Variants in ZFYVE28 observed in about 807,000 individuals in gnomAD.
ZFYVE28 encodes zinc finger FYVE-type containing 28.
A neutral mutation model predicts 82.1 loss-of-function variants in ZFYVE28; 40 were observed. That is an observed-to-expected ratio of 0.49 (90% CI 0.38 to 0.63). The LOEUF is 0.63. ZFYVE28 is among the 30% of genes least tolerant of loss of function. The pLI is 0.00. For missense variants in ZFYVE28, 1,321 were observed against 1,242.1 expected, an observed-to-expected ratio of 1.06 and a Z score of -0.96; for synonymous variants, 612 against 546.1, an observed-to-expected ratio of 1.12 and a Z score of -1.68.
intron 1 of ZFYVE28, among the ~76,000 whole-genome samples, chr4:2,377,491 G>A (rs1170694850): frequency 1.3e-5 from 2 of 152,138 alleles, no homozygotes; most frequent in Non-Finnish European, 2.9e-5. Context: ...AATAGGAAAT[G>A]TTACAACGAG....
intron 1 of ZFYVE28, among the ~76,000 whole-genome samples, chr4:2,365,247 G>T (rs904080384): frequency 6.6e-6 from 1 of 152,056 alleles, no homozygotes; most frequent in Non-Finnish European, 1.5e-5. Context: ...GCAGTGCGCG[G>T]AGGCCACAGG....
chr4:2,301,260 T>C (rs910497431), intron 8 of ZFYVE28, among the ~76,000 whole-genome samples: 9 of 152,156 alleles, frequency 5.9e-5, no homozygotes, highest in African/African-American at 2.2e-4. Flanking sequence ...AGTGGGGGAA[T>C]GAATGATGCT....
chr4:2,337,316 G>T (rs964600272), intron 5 of ZFYVE28, 91 bp downstream of exon 5: 52 of 1,145,694 alleles, frequency 4.5e-5, no homozygotes, highest in Non-Finnish European at 6.1e-5. Context: ...GACACAGCAG[G>T]TTCCCCCAGA....
rs369196187 is a variant in ZFYVE28, at chr4:2,377,234, G to A, written c.40-23161C>T. ...GACAGGGTTTTGCCGTGTTAGCCAGGATGGTCTCGATCTCCTGACCTTGTG... is the reference window on the plus strand; with the variant it reads ...GACAGGGTTTTGCCGTGTTAGCCAGAATGGTCTCGATCTCCTGACCTTGTG... On this transcript the variant is annotated intron_variant, in intron 1 of 12. Transcript: ENST00000290974. Among the ~76,000 whole-genome samples, 599 of 152,206 alleles carry A rather than the reference G, an allele frequency of 3.9e-3. 8 individuals are homozygous for A. The highest frequency in any genetic ancestry group is 0.014 in the African/African-American group (568 of 41,516).
intron 2 of ZFYVE28, among the ~76,000 whole-genome samples, chr4:2,343,855 G>C (rs73797763): frequency 0.03 from 4,534 of 152,340 alleles, 212 homozygotes; most frequent in African/African-American, 0.096. Context: ...AGCTGCCTGA[G>C]GGAAGGGTCT....
In ZFYVE28 at chr4:2,418,406, A is replaced by T. The variant is rs893095890; in HGVS notation, c.-83T>A. The T allele has an allele frequency of 1.9e-6, 2 of 1,071,904 alleles. No homozygotes were observed. The highest frequency in any genetic ancestry group is 2.3e-6 in the Non-Finnish European group (2 of 869,832). 66.4% of individuals were successfully genotyped at this position (1,071,904 alleles called of 1,614,324 possible). On this transcript the variant is annotated 5_prime_UTR_variant, in exon 1 of 13. Transcript: ENST00000290974. The surrounding 1 kb of genome is among the most constrained non-coding windows in gnomAD (Gnocchi z 4.6). ...CGGGCCCGGCTGAGGCGCGGGGCGGACGCGGAGGCACGGCCGGAGCCCCCG... is the reference window on the plus strand; with the variant it reads ...CGGGCCCGGCTGAGGCGCGGGGCGGTCGCGGAGGCACGGCCGGAGCCCCCG...
intron 1 of ZFYVE28, among the ~76,000 whole-genome samples, chr4:2,393,346 G>C (rs1239212596): frequency 1.3e-5 from 2 of 152,212 alleles, no homozygotes; most frequent in Non-Finnish European, 2.9e-5. Context: ...AAAACTCCTG[G>C]GCTGGGAATT....
At chr4:2,389,662 C>T (rs762839) in intron 1 of ZFYVE28, among the ~76,000 whole-genome samples, 5,642 of 152,264 alleles carry the variant, frequency 0.037, 322 homozygotes, top group African/African-American at 0.12. Flanking sequence ...TTCCCCGATC[C>T]GGCTCCTCTG....
chr4:2,370,556 G>T (rs563271936), intron 1 of ZFYVE28, among the ~76,000 whole-genome samples: 3 of 152,152 alleles, frequency 2.0e-5, no homozygotes, highest in African/African-American at 7.2e-5. Context: ...GTGGGACACC[G>T]GCAGGACAGA....
intron 6 of ZFYVE28, among the ~76,000 whole-genome samples, chr4:2,334,166 A>C (rs915788230): frequency 6.6e-6 from 1 of 152,142 alleles, no homozygotes; most frequent in Non-Finnish European, 1.5e-5. Context: ...AACCTCTGCG[A>C]GGACACGGGA....
At chr4:2,308,647 AAG>A (rs1357252867) in intron 7 of ZFYVE28, among the ~76,000 whole-genome samples, 1 of 127,642 alleles carries the variant, frequency 7.8e-6, no homozygotes, top group Non-Finnish European at 1.6e-5. Flanking sequence ...GAAAGAAAGA[AAG>A]AAAGAAAGAA....
At chr4:2,403,011 C>G (rs1274589738) in intron 1 of ZFYVE28, among the ~76,000 whole-genome samples, 1 of 152,270 alleles carries the variant, frequency 6.6e-6, no homozygotes, top group Non-Finnish European at 1.5e-5. Context: ...GCTGGCGTGC[C>G]ATTATCCGTG....
At position 2,339,790 on chromosome 4, in the gene ZFYVE28, G is replaced by C; in HGVS notation, c.319-135C>G. ...CAGCACAGGCCAGCTCGTGTTCCCG[G>C]TCCCCGCAGGAGGTTTTTCTTACAT... On this transcript the variant is annotated intron_variant, in intron 3 of 12. Transcript: ENST00000290974. The surrounding 1 kb of genome is among the most constrained non-coding windows in gnomAD (Gnocchi z 5.0). 1.3e-6 allele frequency: 1 copy of C among 751,510 alleles called. No homozygotes were observed. The highest frequency in any genetic ancestry group is 2.1e-6 in the Non-Finnish European group (1 of 474,286). The allele number at this position is 751,510 out of a possible 1,614,324, so 46.6% of individuals were successfully genotyped here.
intron 12 of ZFYVE28, 165 bp downstream of exon 12, chr4:2,271,146 A>G: frequency 1.3e-6 from 1 of 781,854 alleles, no homozygotes; most frequent in Non-Finnish European, 2.0e-6. Context: ...CCGTGGTCAA[A>G]TGCCTGGAGT....
At position 2,417,317 on chromosome 4, in the gene ZFYVE28, G is replaced by A. The variant is rs570019471; in HGVS notation, c.39+968C>T. Among the ~76,000 whole-genome samples, 215 of 152,144 alleles carry A rather than the reference G, an allele frequency of 1.4e-3. 3 individuals are homozygous for A. The Middle Eastern group carries it at 0.027, about 19-fold the overall frequency. On this transcript the variant is annotated intron_variant, in intron 1 of 12. Coordinates refer to ENST00000290974, the MANE Select transcript of ZFYVE28 (RefSeq NM_020972.3). The surrounding 1 kb of genome is among the most constrained non-coding windows in gnomAD (Gnocchi z 4.8). ...GCCCTGGACCCTGCGCCGGGATCCT[G>A]AACACCGCCGCGCCTTCATCCCGCG...
rs1735813440 is a variant in ZFYVE28, at chr4:2,270,520, C to T, written c.*205G>A. The T allele has an allele frequency of 2.8e-6, 2 of 718,254 alleles. No individual in the cohort carries two copies. The highest frequency in any genetic ancestry group is 4.5e-6 in the Non-Finnish European group (2 of 447,484). 44.5% of individuals were successfully genotyped at this position (718,254 alleles called of 1,614,324 possible). ...GGGTCCCCTGCTGGGCAAAGCTGAC[C>T]TCTTGTTGGCCCCTGCAGCCGGCCC... On this transcript the variant is annotated 3_prime_UTR_variant, in exon 13 of 13. Coordinates refer to ENST00000290974, the MANE Select transcript of ZFYVE28 (RefSeq NM_020972.3).
At chr4:2,382,356 G>A (rs1443516885) in intron 1 of ZFYVE28, among the ~76,000 whole-genome samples, 1 of 152,212 alleles carries the variant, frequency 6.6e-6, no homozygotes, top group Non-Finnish European at 1.5e-5. Context: ...GACACTCAAT[G>A]CCAGCCTGTG....
intron 6 of ZFYVE28, chr4:2,331,014 C>T: frequency 6.6e-7 from 1 of 1,509,946 alleles, no homozygotes; most frequent in Non-Finnish European, 8.8e-7. Context: ...GCGGTGGCTC[C>T]TGCACGTGTT....
intron 7 of ZFYVE28, among the ~76,000 whole-genome samples, chr4:2,317,848 G>C (rs58908027): frequency 0.25 from 37,956 of 152,076 alleles, 5,707 homozygotes; most frequent in Middle Eastern, 0.38. Context: ...GGCCAGGCTG[G>C]TCTCAAACTC....
Sources: gnomAD v4.1 joint callset for allele counts (sites outside exome capture counted in the v4.1 genomes callset) on GRCh38, gnomAD v4.1.1 for gene constraint, Gnocchi (gnomAD v3.1) non-coding constraint, MANE v1.5 for transcripts, NCBI Gene and HGNC (gene_info 2026-07-23, HGNC 2026-07-21) for gene names.